MEIS1: variants seen among roughly 807,000 people sequenced by gnomAD.
MEIS1 encodes the protein Meis homeobox 1.
A neutral mutation model predicts 50.8 loss-of-function variants in MEIS1; 5 were observed. That is an observed-to-expected ratio of 0.10 (90% CI 0.05 to 0.21). The LOEUF is 0.21. Ranked by LOEUF, MEIS1 falls within the 10% of genes least tolerant of loss-of-function variation. The pLI is 1.00. For missense variants in MEIS1, 318 were observed against 517.3 expected, an observed-to-expected ratio of 0.61 and a Z score of 3.74; for synonymous variants, 176 against 179.3, an observed-to-expected ratio of 0.98 and a Z score of 0.15.
intron 9 of MEIS1, among the ~76,000 whole-genome samples, chr2:66,552,068 GGTT>G (rs1477281663): frequency 6.6e-6 from 1 of 150,834 alleles, no homozygotes; most frequent in Non-Finnish European, 1.5e-5. Flanking sequence ...ATCAATACTT[GGTT>G]GTTTTTTCTC....
chr2:66,511,888 A>AAGGG (rs763926780), intron 7 of MEIS1, among the ~76,000 whole-genome samples: 3 of 152,122 alleles, frequency 2.0e-5, no homozygotes, highest in Non-Finnish European at 4.4e-5. Context: ...ACAAAGCCAC[A>AAGGG]AGGGGATTGG....
intron 7 of MEIS1, among the ~76,000 whole-genome samples, chr2:66,485,907 G>A (rs1673131213): frequency 1.3e-5 from 2 of 152,196 alleles, no homozygotes; most frequent in Admixed American, 6.5e-5. Flanking sequence ...CTTTTGAAAA[G>A]TGTCTGTTCA....
At chr2:66,441,386 G>T in intron 4 of MEIS1, 28 bp from the exon 5 acceptor site, 1 of 1,538,412 alleles carries the variant, frequency 6.5e-7, no homozygotes, top group South Asian at 1.3e-5. Context: ...CCAGGAATGG[G>T]GTGCTTATTG....
At chr2:66,497,555 T>C (rs182122481) in intron 7 of MEIS1, among the ~76,000 whole-genome samples, 258 of 152,328 alleles carry the variant, frequency 1.7e-3, no homozygotes, top group South Asian at 3.9e-3. Flanking sequence ...TCTTAAATGA[T>C]ATAACTTTTT....
rs1675503663 is a variant in MEIS1 at position 66,572,300 on chromosome 2, A to T, written c.*1092A>T. On this transcript the variant is annotated 3_prime_UTR_variant, in exon 13 of 13. Coordinates refer to ENST00000272369, the MANE Select transcript of MEIS1 (RefSeq NM_002398.3). ...CACCTTATACATCACTTCCTGTTTT[A>T]AGCAGCTCTAAAACATAGACTGAAG... The T allele has an allele frequency of 6.6e-6, 1 of 152,202 alleles. No homozygotes were observed. Among genetic ancestry groups the T allele is most frequent in the African/African-American group, 2.4e-5 (1 of 41,456 alleles). The allele number at this position is 152,202 out of a possible 1,614,324, so 9.4% of individuals were successfully genotyped here.
intron 7 of MEIS1, among the ~76,000 whole-genome samples, chr2:66,506,427 G>T (rs1005389992): frequency 9.2e-5 from 14 of 152,168 alleles, no homozygotes; most frequent in African/African-American, 3.4e-4. Flanking sequence ...AGTGCATGGT[G>T]CCATGAGAAC....
chr2:66,557,986 A>G (rs1021713877), intron 9 of MEIS1, among the ~76,000 whole-genome samples: 2 of 152,186 alleles, frequency 1.3e-5, no homozygotes, highest in African/African-American at 2.4e-5. Context: ...ATGTTCAAAG[A>G]AAAGGAAAGT....
intron 8 of MEIS1, among the ~76,000 whole-genome samples, chr2:66,543,560 C>T (rs1674708886): frequency 1.3e-5 from 2 of 152,146 alleles, no homozygotes; most frequent in Non-Finnish European, 2.9e-5. Flanking sequence ...AAGGGAGGGG[C>T]CAGCTTTACC....
chr2:66,541,053 T>A lies in MEIS1; in HGVS notation c.889-6890T>A, dbSNP rs1219762476. ...TTTATTATTTTTTATTTTTTATTTT[T>A]TTTTGAGACAGTCTCACTCAGTCAC... On this transcript the variant is annotated intron_variant, in intron 8 of 12. Transcript: ENST00000272369. Among the ~76,000 whole-genome samples, 3 of 151,882 alleles carry A rather than the reference T, an allele frequency of 2.0e-5. No homozygotes were observed. The East Asian group carries it at 5.8e-4, about 29-fold the overall frequency.
intron 9 of MEIS1, among the ~76,000 whole-genome samples, chr2:66,551,522 A>T (rs1674921999): frequency 6.6e-6 from 1 of 152,140 alleles, no homozygotes; most frequent in African/African-American, 2.4e-5. Context: ...GGGCCCTAGG[A>T]TGGAATGTGA....
chr2:66,449,896 A>G (rs1196342285), intron 6 of MEIS1, among the ~76,000 whole-genome samples: 1 of 152,168 alleles, frequency 6.6e-6, no homozygotes, highest in Non-Finnish European at 1.5e-5. Flanking sequence ...TGACTAAAAC[A>G]TACTATCAAG....
chr2:66,442,569 G>A (rs919641328), intron 5 of MEIS1, among the ~76,000 whole-genome samples: 6 of 152,014 alleles, frequency 3.9e-5, no homozygotes, highest in Admixed American at 6.6e-5. Context: ...TAAAGTCACT[G>A]GATGAAATTA....
chr2:66,455,832 TA>T (rs1672375299), intron 6 of MEIS1, among the ~76,000 whole-genome samples: 1 of 152,202 alleles, frequency 6.6e-6, no homozygotes, highest in African/African-American at 2.4e-5. Flanking sequence ...ACAATGTAAT[TA>T]AAAAACCATT....
intron 9 of MEIS1, among the ~76,000 whole-genome samples, chr2:66,550,254 T>C (rs908160534): frequency 6.6e-6 from 1 of 152,196 alleles, no homozygotes; most frequent in African/African-American, 2.4e-5. Context: ...CTTGTATATA[T>C]ATGGAGTTAG....
intron 9 of MEIS1, among the ~76,000 whole-genome samples, chr2:66,559,579 A>G (rs1675160361): frequency 1.3e-5 from 2 of 152,210 alleles, no homozygotes; most frequent in Non-Finnish European, 2.9e-5. Context: ...AACTAAAGAG[A>G]GACACTTCTG....
intron 8 of MEIS1, among the ~76,000 whole-genome samples, chr2:66,527,821 A>G (rs72824804): frequency 0.16 from 23,859 of 152,130 alleles, 1,991 homozygotes; most frequent in South Asian, 0.3. Context: ...AAATCATGGC[A>G]AAACTTTAGG....
At chr2:66,484,252 T>C (rs1347517487) in intron 7 of MEIS1, among the ~76,000 whole-genome samples, 2 of 152,216 alleles carry the variant, frequency 1.3e-5, no homozygotes. Context: ...ATCTACCAAA[T>C]GACTCGAAGG....
chr2:66,568,126 G>C (rs919631499), intron 10 of MEIS1: 5 of 154,240 alleles, frequency 3.2e-5, no homozygotes, highest in African/African-American at 1.2e-4. Flanking sequence ...TTTAATAACA[G>C]TCTTTTTGTT....
At chr2:66,567,111 A>G (rs1675367566) in intron 9 of MEIS1, among the ~76,000 whole-genome samples, 1 of 152,200 alleles carries the variant, frequency 6.6e-6, no homozygotes, top group Admixed American at 6.5e-5. Flanking sequence ...CTAACTCTTT[A>G]CACCAATTTT....
Sources: allele counts gnomAD v4.1 joint callset (sites outside exome capture counted in the v4.1 genomes callset), GRCh38; gene constraint gnomAD v4.1.1; transcripts MANE v1.5; gene names NCBI Gene and HGNC (gene_info 2026-07-23, HGNC 2026-07-21).